Variants in STX18 observed in about 807,000 individuals in gnomAD.
STX18 encodes syntaxin-18.
A neutral mutation model predicts 50.1 loss-of-function variants in STX18; 40 were observed. The observed-to-expected ratio is 0.80, with a 90% CI of 0.62 to 1.04. The LOEUF (loss-of-function observed/expected upper bound fraction) is 1.04. Ranked by LOEUF, STX18 falls within the 50% of genes least tolerant of loss-of-function variation. STX18 has a pLI of 0.00. For synonymous variants in STX18, 158 were observed against 151.8 expected, an observed-to-expected ratio of 1.04 and a Z score of -0.30; for missense variants, 410 against 415.8, an observed-to-expected ratio of 0.99 and a Z score of 0.12.
intron 1 of STX18, among the ~76,000 whole-genome samples, chr4:4,495,798 T>C (rs897853398): frequency 5.3e-5 from 8 of 152,176 alleles, no homozygotes; most frequent in African/African-American, 1.9e-4. Context: ...CAAATGAATT[T>C]TGTTGAGTAA....
At chr4:4,529,615 T>C (rs1730997004) in intron 1 of STX18, among the ~76,000 whole-genome samples, 1 of 152,158 alleles carries the variant, frequency 6.6e-6, no homozygotes, top group African/African-American at 2.4e-5. Flanking sequence ...CACCTGTGCA[T>C]GCCCAAGAGC....
intron 6 of STX18, among the ~76,000 whole-genome samples, chr4:4,437,798 C>T (rs1166911764): frequency 1.3e-5 from 2 of 152,222 alleles, no homozygotes; most frequent in African/African-American, 2.4e-5. Flanking sequence ...GGGTACCAGC[C>T]AGACACACAG....
At chr4:4,520,687 T>C (rs1053666177) in intron 1 of STX18, among the ~76,000 whole-genome samples, 1 of 152,140 alleles carries the variant, frequency 6.6e-6, no homozygotes, top group Non-Finnish European at 1.5e-5. Flanking sequence ...GCCTTCCATA[T>C]ACTTAAGGCC....
intron 2 of STX18, among the ~76,000 whole-genome samples, chr4:4,467,697 T>G (rs1354055004): frequency 7.0e-5 from 8 of 114,950 alleles, no homozygotes; most frequent in African/African-American, 2.7e-4. Context: ...CTTATCAGAG[T>G]ACCTAACACA....
At chr4:4,445,369 G>A (rs1318323484) in intron 5 of STX18, among the ~76,000 whole-genome samples, 3 of 151,954 alleles carry the variant, frequency 2.0e-5, no homozygotes, top group Non-Finnish European at 4.4e-5. Flanking sequence ...TCGAGCGACT[G>A]CACTCTAGCC....
chr4:4,424,052 T>A lies in STX18; in HGVS notation c.762-465A>T, dbSNP rs552108913. ...ATGCTCAGCAGGTTAAAGAAAAAAG[T>A]GTATTTACCTTCAAACCAACTCCCT... On this transcript the variant is annotated intron_variant, in intron 8 of 10. Transcript: ENST00000306200. Among the ~76,000 whole-genome samples the A allele has an allele frequency of 5.3e-5, 8 of 152,202 alleles. No individual in the cohort carries two copies. The East Asian group carries it at 1.5e-3, about 29-fold the overall frequency.
intron 2 of STX18, among the ~76,000 whole-genome samples, chr4:4,466,823 G>A (rs1727642661): frequency 6.6e-6 from 1 of 152,202 alleles, no homozygotes; most frequent in African/African-American, 2.4e-5. Flanking sequence ...TATACATAGA[G>A]CTGTCTAAAA....
At chr4:4,507,715 T>G (rs1179358027) in intron 1 of STX18, 1 of 1,162,402 alleles carries the variant, frequency 8.6e-7, no homozygotes, top group Admixed American at 1.7e-5. Flanking sequence ...GACTGAAACT[T>G]TTTCTGGTGT....
intron 2 of STX18, among the ~76,000 whole-genome samples, chr4:4,470,402 T>C (rs1029037136): frequency 2.6e-5 from 4 of 152,196 alleles, no homozygotes; most frequent in Non-Finnish European, 5.9e-5. Flanking sequence ...GGGCTAGTCA[T>C]GGACTTTAGG....
chr4:4,455,661 T>A (rs1394776200), intron 5 of STX18, among the ~76,000 whole-genome samples: 1 of 152,180 alleles, frequency 6.6e-6, no homozygotes, highest in South Asian at 2.1e-4. Context: ...AGAGTTTCGG[T>A]AGATGCCAGG....
chr4:4,473,123 T>C (rs1343664696), intron 1 of STX18, among the ~76,000 whole-genome samples: 3 of 152,146 alleles, frequency 2.0e-5, no homozygotes, highest in Non-Finnish European at 4.4e-5. Context: ...ATTAACCAGT[T>C]TGGGAAAAGC....
intron 1 of STX18, among the ~76,000 whole-genome samples, chr4:4,529,685 A>G (rs914749997): frequency 4.6e-5 from 7 of 152,182 alleles, no homozygotes; most frequent in Non-Finnish European, 1.0e-4. Context: ...TACTCATCTC[A>G]CAGCACCAGG....
rs200061902 is a variant in STX18 at position 4,541,804 on chromosome 4, C to A, written c.161G>T (p.Arg54Leu). ...CCATAGCAACCAGCTCACCACTTCGCGGGCCCGGCTGGAGAAGTCGCCCTT... is the reference window on the plus strand; with the variant it reads ...CCATAGCAACCAGCTCACCACTTCGAGGGCCCGGCTGGAGAAGTCGCCCTT... ...RPKGDFSSRA[R>L]EVISHIGKLR... The change falls in exon 1 of 11, where the codon CGC becomes CTC. Residue 54 changes from arginine (R) to leucine (L), a missense_variant. By Grantham distance (102) the Arg-to-Leu change is moderately radical (BLOSUM62 -2). Coordinates refer to ENST00000306200, the MANE Select transcript of STX18 (RefSeq NM_016930.4). 154 of 1,607,678 alleles carry A rather than the reference C, an allele frequency of 9.6e-5. No individual in the cohort carries two copies. Among genetic ancestry groups the A allele is most frequent in the Non-Finnish European group, 1.2e-4 (145 of 1,177,108 alleles).
At chr4:4,465,691 T>G (rs552235996) in intron 2 of STX18, among the ~76,000 whole-genome samples, 1 of 152,306 alleles carries the variant, frequency 6.6e-6, no homozygotes, top group African/African-American at 2.4e-5. Flanking sequence ...TGGGATGATC[T>G]GTGCAGCAAA....
chr4:4,502,143 A>G (rs1729487945), intron 1 of STX18, among the ~76,000 whole-genome samples: 1 of 152,252 alleles, frequency 6.6e-6, no homozygotes, highest in Non-Finnish European at 1.5e-5. Flanking sequence ...TAATATACCT[A>G]AAAGTATCTG....
At chr4:4,507,610 G>A (rs1729777982) in intron 1 of STX18, 2 of 765,614 alleles carry the variant, frequency 2.6e-6, no homozygotes, top group Non-Finnish European at 2.4e-6. Context: ...ATCTTCCCAA[G>A]CGAAATTGTG....
At chr4:4,442,225 T>C (rs1432430217) in intron 5 of STX18, among the ~76,000 whole-genome samples, 2 of 152,068 alleles carry the variant, frequency 1.3e-5, no homozygotes, top group African/African-American at 4.8e-5. Flanking sequence ...TCGGTAGTTA[T>C]ATGAAAGAAT....
intron 1 of STX18, among the ~76,000 whole-genome samples, chr4:4,496,271 C>A (rs1052327100): frequency 1.3e-5 from 2 of 152,120 alleles, no homozygotes; most frequent in African/African-American, 4.8e-5. Context: ...GATGAACTGG[C>A]ACCCAAAAAT....
At chr4:4,485,143 A>G (rs759793035) in intron 1 of STX18, among the ~76,000 whole-genome samples, 4 of 152,204 alleles carry the variant, frequency 2.6e-5, no homozygotes, top group Non-Finnish European at 5.9e-5. Context: ...TACTAGTGAC[A>G]TGGCTTTGTG....
Sources: allele counts gnomAD v4.1 joint callset (sites outside exome capture counted in the v4.1 genomes callset), GRCh38; gene constraint gnomAD v4.1.1; transcripts MANE v1.5; gene names NCBI Gene and HGNC (gene_info 2026-07-23, HGNC 2026-07-21).